Variants in ERAP2 observed in about 807,000 individuals in gnomAD.
The protein encoded by ERAP2 is leukocyte-derived arginine aminopeptidase.
Under a neutral mutation model 111.1 loss-of-function variants are expected in ERAP2, and 118 were observed. The observed-to-expected ratio is 1.06, with a 90% CI of 0.92 to 1.24. The LOEUF (loss-of-function observed/expected upper bound fraction) is 1.24. Ranked by LOEUF, ERAP2 falls within the 50% of genes most tolerant of loss-of-function variation. The probability of loss-of-function intolerance (pLI) is 0.00; values close to 1 mark genes in which losing one functional copy is unlikely to be tolerated. For synonymous variants in ERAP2, 410 were observed against 401.2 expected (o/e 1.02, Z -0.26); for missense variants, 1,131 against 1,125.8 (o/e 1.00, Z -0.07).
At chr5:96,907,883 CAA>C (rs61258566) in intron 13 of ERAP2, among the ~76,000 whole-genome samples, 68 of 147,836 alleles carry the variant, frequency 4.6e-4, no homozygotes, top group African/African-American at 1.5e-3. Context: ...AACTCTGTCT[CAA>C]AAAAAAAAAA....
chr5:96,911,540 A>G (rs1786738716), intron 15 of ERAP2, among the ~76,000 whole-genome samples: 1 of 152,116 alleles, frequency 6.6e-6, no homozygotes, highest in South Asian at 2.1e-4. Flanking sequence ...GTACCAAATT[A>G]AGACTCTCTA....
intron 3 of ERAP2, among the ~76,000 whole-genome samples, chr5:96,885,281 C>T (rs561308268): frequency 1.3e-5 from 2 of 152,322 alleles, no homozygotes; most frequent in African/African-American, 4.8e-5. Context: ...AATACCCCAG[C>T]TCTCAGCCCC....
chr5:96,889,568 C>G, intron 5 of ERAP2: 1 of 679,676 alleles, frequency 1.5e-6, no homozygotes, highest in South Asian at 1.7e-5. Flanking sequence ...CCAGGCTGAT[C>G]AGAAAGGGCA....
intron 5 of ERAP2, among the ~76,000 whole-genome samples, chr5:96,889,757 C>CA (rs1004946501): frequency 6.6e-6 from 1 of 152,056 alleles, no homozygotes; most frequent in Non-Finnish European, 1.5e-5. Flanking sequence ...GGGAGGGAAA[C>CA]ACACCTCCCA....
intron 15 of ERAP2, among the ~76,000 whole-genome samples, chr5:96,911,289 A>C (rs1786706764): frequency 6.6e-6 from 1 of 152,158 alleles, no homozygotes. Context: ...ACAAATGCAA[A>C]TTTCTGGCTC....
At chr5:96,893,180 A>G (rs1784550279) in intron 6 of ERAP2, among the ~76,000 whole-genome samples, 1 of 152,156 alleles carries the variant, frequency 6.6e-6, no homozygotes, top group South Asian at 2.1e-4. Flanking sequence ...TGGAATTGTA[A>G]AACTAGGTCT....
chr5:96,893,089 T>C (rs900383169), intron 6 of ERAP2, among the ~76,000 whole-genome samples: 1 of 152,212 alleles, frequency 6.6e-6, no homozygotes, highest in African/African-American at 2.4e-5. Context: ...CAACGGCCAC[T>C]ACAACTACAA....
At chr5:96,906,708 T>C (rs2549790) in intron 13 of ERAP2, among the ~76,000 whole-genome samples, 82,499 of 152,180 alleles carry the variant, frequency 0.54, 22,441 homozygotes, top group Admixed American at 0.59. Context: ...GAAAAAGCTA[T>C]ATTTGTTTCT....
chr5:96,876,315 T>A (rs1244489798), upstream of ERAP2: 1 of 152,506 alleles, frequency 6.6e-6, no homozygotes. Flanking sequence ...GTTTGGCTTC[T>A]ACTCCAAAGC....
chr5:96,914,056 AAATATCCCTC>A (rs1787102826), intron 17 of ERAP2, among the ~76,000 whole-genome samples: 1 of 152,124 alleles, frequency 6.6e-6, no homozygotes, highest in African/African-American at 2.4e-5. Flanking sequence ...CCTGGATCTA[AAATATCCCTC>A]AGAAATAACC....
At chr5:96,905,974 TC>T (rs1157741360) in intron 13 of ERAP2, among the ~76,000 whole-genome samples, 3 of 148,786 alleles carry the variant, frequency 2.0e-5, no homozygotes, top group Non-Finnish European at 4.4e-5. Context: ...AGACAGGGTC[TC>T]CCTATATTGT....
chr5:96,900,103 T>A lies in ERAP2; in HGVS notation c.1504-18T>A, dbSNP rs375868562. 1 of 1,613,710 alleles carries A rather than the reference T, an allele frequency of 6.2e-7. No homozygotes were observed. The highest frequency in any genetic ancestry group is 1.3e-5 in the African/African-American group (1 of 75,016). ...AATGATGCCTACATTGCAGTGCTCT[T>A]TTGTTCTTGTTTTGTAGAGTTGTTT... On this transcript the variant is annotated intron_variant, in intron 9 of 18. Coordinates refer to ENST00000437043, the MANE Select transcript of ERAP2 (RefSeq NM_022350.5).
At position 96,909,673 on chromosome 5, in the gene ERAP2, TTGAAGCTGGCCTGTGACC is replaced by T; in HGVS notation, c.2268_2285del (p.Lys756_Leu761del). The T allele has an allele frequency of 1.2e-6, 2 of 1,614,232 alleles. No homozygotes were observed. The highest frequency in any genetic ancestry group is 1.7e-6 in the Non-Finnish European group (2 of 1,180,030). ...GGACAGGATGCTCCGCTCGGCTCTC[TTGAAGCTGGCCTGTGACC>T]TGAACCATGCTCCTTGCATCCAGAA... On this transcript the variant is annotated inframe_deletion, in exon 15 of 19. Coordinates refer to ENST00000437043, the MANE Select transcript of ERAP2 (RefSeq NM_022350.5).
rs182319316 is a variant in ERAP2, at chr5:96,919,259, A to G, written c.*1654A>G. The G allele has an allele frequency of 2.0e-5, 3 of 152,444 alleles. No individual in the cohort carries two copies. Among genetic ancestry groups the G allele is most frequent in the Admixed American group, 2.0e-4 (3 of 15,300 alleles). The allele number at this position is 152,444 out of a possible 1,614,324, so 9.4% of individuals were successfully genotyped here. On this transcript the variant is annotated 3_prime_UTR_variant, in exon 19 of 19. Coordinates refer to ENST00000437043, the MANE Select transcript of ERAP2 (RefSeq NM_022350.5). The stretch of plus-strand genomic sequence containing the variant: ...TTTGGGTGGCCATGGATGTGCCCCA[A>G]TACAGTACACATTTTTTGGTTAAAT...
chr5:96,879,995 G>A lies in ERAP2; in HGVS notation c.310G>A (p.Ala104Thr). The change falls in exon 2 of 19, where the codon GCT (alanine) becomes ACT (threonine). Residue 104 changes from alanine (A) to threonine (T), a missense_variant. Coordinates refer to ENST00000437043, the MANE Select transcript of ERAP2 (RefSeq NM_022350.5). Reference protein sequence around the residue: ...SEKIEVLVSNATQFIILHSKD... With the variant: ...SEKIEVLVSNTTQFIILHSKD... ...GAAGATCGAAGTCTTGGTCAGCAAT[G>A]CTACCCAGTTTATCATCTTGCACAG... 1 of 1,614,188 alleles carries A rather than the reference G, an allele frequency of 6.2e-7. No homozygotes were observed. Among genetic ancestry groups the A allele is most frequent in the Non-Finnish European group, 8.5e-7 (1 of 1,180,026 alleles).
At chr5:96,892,650 G>A (rs1346831478) in intron 6 of ERAP2, among the ~76,000 whole-genome samples, 197 bp downstream of exon 6, 3 of 152,156 alleles carry the variant, frequency 2.0e-5, no homozygotes, top group Non-Finnish European at 4.4e-5. Context: ...ATTTTATTAC[G>A]AGAAGTAGCC....
In ERAP2 at chr5:96,918,347, A is replaced by T. The variant is rs1787671931; in HGVS notation, c.*742A>T. The stretch of plus-strand genomic sequence containing the variant: ...CCAACCAGTTTTACGTCCAAGGAAA[A>T]TTAGCCAATGCATAAAATATACAAA... On this transcript the variant is annotated 3_prime_UTR_variant, in exon 19 of 19. Transcript: ENST00000437043. 1 of 152,252 alleles carries T rather than the reference A, an allele frequency of 6.6e-6. No individual in the cohort carries two copies. The highest frequency in any genetic ancestry group is 2.4e-5 in the African/African-American group (1 of 41,460). The allele number at this position is 152,252 out of a possible 1,614,324, so 9.4% of individuals were successfully genotyped here. A position where few individuals can be genotyped will look rare whatever the true frequency, so the allele number is the denominator to read the frequency against.
intron 9 of ERAP2, among the ~76,000 whole-genome samples, chr5:96,898,722 A>G (rs1199384007): frequency 6.6e-6 from 1 of 152,124 alleles, no homozygotes; most frequent in Non-Finnish European, 1.5e-5. Context: ...CTGGTGACAG[A>G]GTGAGACTCT....
chr5:96,911,236 G>T (rs2548523), intron 15 of ERAP2, among the ~76,000 whole-genome samples: 82,387 of 151,940 alleles, frequency 0.54, 22,393 homozygotes, highest in Admixed American at 0.59. Flanking sequence ...TTAAATAAGA[G>T]GTATGGAGAC....
Sources: allele counts gnomAD v4.1 joint callset (sites outside exome capture counted in the v4.1 genomes callset), GRCh38; gene constraint gnomAD v4.1.1; transcripts MANE v1.5; gene names NCBI Gene and HGNC (gene_info 2026-07-23, HGNC 2026-07-21).